Variants in STK3 observed in about 807,000 individuals in gnomAD.
The protein encoded by STK3 is serine/threonine kinase 3.
Under a neutral mutation model 58.0 loss-of-function variants are expected in STK3, and 41 were observed. That is an observed-to-expected ratio of 0.71 (90% CI 0.55 to 0.92). The LOEUF (loss-of-function observed/expected upper bound fraction) is 0.92. STK3 is among the 40% of genes least tolerant of loss of function. The pLI, the probability that STK3 is intolerant of heterozygous loss-of-function variation, is 0.00. For synonymous variants in STK3, 170 were observed against 191.0 expected, an observed-to-expected ratio of 0.89 and a Z score of 0.91; for missense variants, 479 against 602.7, an observed-to-expected ratio of 0.79 and a Z score of 2.15.
intron 4 of STK3, among the ~76,000 whole-genome samples, chr8:98,742,742 G>A (rs1376710516): frequency 6.6e-6 from 1 of 151,708 alleles, no homozygotes; most frequent in African/African-American, 2.4e-5. Context: ...CAATTAGGCA[G>A]GAGAAGGAAA....
chr8:98,903,908 C>T (rs1303643565), intron 1 of STK3, among the ~76,000 whole-genome samples: 1 of 152,066 alleles, frequency 6.6e-6, no homozygotes, highest in Admixed American at 6.6e-5. Context: ...ATAAGAAACA[C>T]AATAGGACAG....
At chr8:98,435,587 T>C (rs1175683247) in intron 2 of STK3, among the ~76,000 whole-genome samples, 5 of 150,512 alleles carry the variant, frequency 3.3e-5, no homozygotes, top group Non-Finnish European at 4.4e-5. Context: ...GGAGGGGCAG[T>C]GCAGGTGGAC....
Position 98,797,639 on chromosome 8 carries a change from A to T in STK3, c.27-22820T>A, listed in dbSNP as rs991050610. On this transcript the variant is annotated intron_variant, in intron 1 of 10. Coordinates refer to ENST00000419617, the MANE Select transcript of STK3 (RefSeq NM_006281.4). ...ACAGGATTATACACACTTTGTCAAA[A>T]CTCATCAAACTGCACACTTAGAGAA... 2.6e-5 allele frequency among the ~76,000 whole-genome samples: 4 copies of T among 152,158 alleles called. No homozygotes were observed. In the East Asian group the frequency reaches 7.7e-4, roughly 29 times the overall value.
chr8:98,751,985 C>CACACAA (rs1830017178), intron 3 of STK3, among the ~76,000 whole-genome samples: 1 of 151,756 alleles, frequency 6.6e-6, no homozygotes, highest in Non-Finnish European at 1.5e-5. Flanking sequence ...TAAACACACA[C>CACACAA]ACACAAACAC....
chr8:98,851,594 A>C (rs960518333), intron 3 of STK3, among the ~76,000 whole-genome samples: 1 of 152,210 alleles, frequency 6.6e-6, no homozygotes. Context: ...TAGAGTGAAG[A>C]AACATGAGGT....
At chr8:98,621,192 G>A (rs1421040034) in intron 6 of STK3, among the ~76,000 whole-genome samples, 3 of 152,078 alleles carry the variant, frequency 2.0e-5, no homozygotes, top group Admixed American at 6.5e-5. Flanking sequence ...CGCCCGCCTC[G>A]GCCTCCCAAA....
At chr8:98,633,196 T>C (rs1475627569) in intron 6 of STK3, among the ~76,000 whole-genome samples, 1 of 152,006 alleles carries the variant, frequency 6.6e-6, no homozygotes. Context: ...AATGCAGGCA[T>C]AAAGTAACAC....
intron 6 of STK3, among the ~76,000 whole-genome samples, chr8:98,700,318 C>T (rs1168270618): frequency 2.0e-5 from 3 of 152,200 alleles, no homozygotes; most frequent in Non-Finnish European, 4.4e-5. Context: ...TTGCACTTCC[C>T]GAGTGAGGCA....
chr8:98,787,901 C>T (rs1398068835), intron 1 of STK3, among the ~76,000 whole-genome samples: 1 of 152,134 alleles, frequency 6.6e-6, no homozygotes, highest in Non-Finnish European at 1.5e-5. Context: ...TTTGCCACTA[C>T]CAAGCCAGCA....
intron 1 of STK3, among the ~76,000 whole-genome samples, chr8:98,903,547 CTTCTTCTTCCTTTTT>C (rs1385156160): frequency 1.4e-3 from 32 of 22,666 alleles, no homozygotes; most frequent in Non-Finnish European, 2.2e-3. Flanking sequence ...TCTTCTTCTT[CTTCTTCTTCCTTTTT>C]TTTTTTTTAA....
chr8:98,626,240 C>T (rs1818703359), intron 6 of STK3, among the ~76,000 whole-genome samples: 2 of 152,060 alleles, frequency 1.3e-5, no homozygotes, highest in African/African-American at 4.8e-5. Context: ...AGTGACTATA[C>T]AGGAAAAGGT....
At chr8:98,597,841 T>C in intron 6 of STK3, 1 of 981,936 alleles carries the variant, frequency 1.0e-6, no homozygotes, top group Non-Finnish European at 1.2e-6. Context: ...AAAAAACACA[T>C]ATGAAACGAA....
chr8:98,826,112 A>G (rs762968058), upstream of STK3, among the ~76,000 whole-genome samples: 1 of 152,146 alleles, frequency 6.6e-6, no homozygotes, highest in African/African-American at 2.4e-5. Context: ...GGGAAGGGCA[A>G]GTCCCTCTGA....
intron 1 of STK3, among the ~76,000 whole-genome samples, chr8:98,938,581 C>T (rs1012404614): frequency 6.6e-6 from 1 of 152,172 alleles, no homozygotes; most frequent in Non-Finnish European, 1.5e-5. Context: ...AGCCAGTGTG[C>T]ACCAAGTGGG....
chr8:98,707,562 T>C (rs1279567791), intron 4 of STK3, among the ~76,000 whole-genome samples: 5 of 151,984 alleles, frequency 3.3e-5, no homozygotes, highest in African/African-American at 9.7e-5. Flanking sequence ...GCCAACCCAA[T>C]AGGCTAACTT....
intron 10 of STK3, among the ~76,000 whole-genome samples, chr8:98,469,070 C>T (rs1820706428): frequency 2.0e-5 from 3 of 151,462 alleles, no homozygotes; most frequent in African/African-American, 7.3e-5. Flanking sequence ...GATCGTGCCA[C>T]TGCACTTCAG....
At chr8:98,557,936 C>A (rs1055143603) in intron 8 of STK3, among the ~76,000 whole-genome samples, 4 of 152,072 alleles carry the variant, frequency 2.6e-5, no homozygotes, top group Non-Finnish European at 5.9e-5. Context: ...GTGGGCAGGA[C>A]TTCAGAGGCT....
chr8:98,578,533 G>A (rs1271486610), intron 8 of STK3, among the ~76,000 whole-genome samples: 1 of 151,996 alleles, frequency 6.6e-6, no homozygotes, highest in Non-Finnish European at 1.5e-5. Flanking sequence ...TGTGATAAAA[G>A]GTTTTATAAT....
At chr8:98,451,907 A>G (rs1311646107), downstream of STK3, among the ~76,000 whole-genome samples, 1 of 151,980 alleles carries the variant, frequency 6.6e-6, no homozygotes, top group African/African-American at 2.4e-5. Flanking sequence ...AACAAAAAAA[A>G]AAACCCTGGT....
Sources: gnomAD v4.1 joint callset for allele counts (sites outside exome capture counted in the v4.1 genomes callset) on GRCh38, gnomAD v4.1.1 for gene constraint, MANE v1.5 for transcripts, NCBI Gene and HGNC (gene_info 2026-07-23, HGNC 2026-07-21) for gene names.